Variants in ZNF609 observed in about 807,000 individuals in gnomAD.
ZNF609 encodes the protein zinc finger protein 609.
A neutral mutation model predicts 109.5 loss-of-function variants in ZNF609; 11 were observed. That is an observed-to-expected ratio of 0.10 (90% confidence interval 0.06 to 0.17). The LOEUF (loss-of-function observed/expected upper bound fraction) is 0.17, where lower values mean the gene tolerates loss of function less well. Among genes scored for constraint, ZNF609 ranks in the 10% least tolerant of loss-of-function variants. The probability of loss-of-function intolerance (pLI) is 1.00; values close to 1 mark genes in which losing one functional copy is unlikely to be tolerated. For missense variants in ZNF609, 1,559 were observed against 1,772.4 expected (o/e 0.88, Z 2.16); for synonymous variants, 646 against 662.0 (o/e 0.98, Z 0.37).
chr15:64,584,389 G>A (rs1895160930), intron 2 of ZNF609, among the ~76,000 whole-genome samples: 1 of 152,060 alleles, frequency 6.6e-6, no homozygotes, highest in Non-Finnish European at 1.5e-5. Context: ...CTGGAGTCCA[G>A]TGGCGTGATC....
rs79197743 is a variant in ZNF609, at chr15:64,480,982, C to T, written c.-127-18311C>T. On this transcript the variant is annotated intron_variant, in intron 1 of 9. Transcript: ENST00000326648. Reference sequence around the variant, plus strand: ...GCAAATAAATAACCTGAATTTTACCCGGAGGAACAAATAAGAATTGATTCA... The same window carrying T: ...GCAAATAAATAACCTGAATTTTACCTGGAGGAACAAATAAGAATTGATTCA... Among the ~76,000 whole-genome samples the T allele has an allele frequency of 8.8e-3, 1,337 of 152,154 alleles. 24 individuals carry two copies. Among genetic ancestry groups the T allele is most frequent in the African/African-American group, 0.031 (1,272 of 41,510 alleles).
chr15:64,589,431 A>C (rs1049728729), intron 2 of ZNF609, among the ~76,000 whole-genome samples: 7 of 152,166 alleles, frequency 4.6e-5, no homozygotes, highest in Non-Finnish European at 7.3e-5. Flanking sequence ...GCAATACCAA[A>C]TGCTTCTTAT....
intron 2 of ZNF609, among the ~76,000 whole-genome samples, chr15:64,598,058 G>A (rs1446833576): frequency 2.0e-5 from 3 of 152,102 alleles, no homozygotes; most frequent in African/African-American, 7.2e-5. Flanking sequence ...AAATCATCTA[G>A]AATATTACTA....
At chr15:64,581,542 T>C (rs928590247) in intron 2 of ZNF609, among the ~76,000 whole-genome samples, 19 of 152,212 alleles carry the variant, frequency 1.2e-4, no homozygotes, top group African/African-American at 4.6e-4. Context: ...TGGTCAGATA[T>C]AGATAACCTT....
At chr15:64,623,629 A>G (rs1289677178) in intron 3 of ZNF609, among the ~76,000 whole-genome samples, 1 of 152,200 alleles carries the variant, frequency 6.6e-6, no homozygotes, top group African/African-American at 2.4e-5. Context: ...TCAGGCATCC[A>G]CTAAGCAGTT....
chr15:64,470,329 T>G (rs549822014), intron 1 of ZNF609: 5 of 152,250 alleles, frequency 3.3e-5, no homozygotes, highest in African/African-American at 1.2e-4. Context: ...ATTACAGGTT[T>G]GAGCCACTGC....
chr15:64,501,110 C>T (rs1164597558), intron 2 of ZNF609: 1 of 152,492 alleles, frequency 6.6e-6, no homozygotes, highest in Non-Finnish European at 1.5e-5. Context: ...GTGAGCTGTT[C>T]ATTGGCTCTT....
chr15:64,473,592 A>G (rs1893123995), intron 1 of ZNF609, among the ~76,000 whole-genome samples: 1 of 150,666 alleles, frequency 6.6e-6, no homozygotes, highest in African/African-American at 2.4e-5. Context: ...CCTGACATTT[A>G]GCCTCACTAG....
rs756230236 is a variant in ZNF609 at position 64,681,402 on chromosome 15, T to C, written c.*5+15T>C. 5.0e-6 allele frequency: 8 copies of C among 1,609,082 alleles called. No homozygotes were observed. The highest frequency in any genetic ancestry group is 1.1e-5 in the South Asian group (1 of 90,950). On this transcript the variant is annotated intron_variant, in intron 9 of 9. Coordinates refer to ENST00000326648, the MANE Select transcript of ZNF609 (RefSeq NM_015042.2). ...AGGTGAGAATGGTAAGTCACTTTTA[T>C]TAATTTGGGGCAACACATAAAGCCG...
At chr15:64,635,904 C>T (rs1896166439) in intron 3 of ZNF609, among the ~76,000 whole-genome samples, 1 of 152,130 alleles carries the variant, frequency 6.6e-6, no homozygotes, top group Non-Finnish European at 1.5e-5. Flanking sequence ...CTGTTCTCCA[C>T]CTCTTCTGAT....
chr15:64,673,899 G>T lies in ZNF609; in HGVS notation c.1062-17G>T, dbSNP rs777399003. The T allele has an allele frequency of 6.2e-7, 1 of 1,603,508 alleles. No individual in the cohort carries two copies. Among genetic ancestry groups the T allele is most frequent in the Non-Finnish European group, 8.5e-7 (1 of 1,173,622 alleles). On this transcript the variant is annotated splice_polypyrimidine_tract_variant and intron_variant, in intron 4 of 9. Coordinates refer to ENST00000326648, the MANE Select transcript of ZNF609 (RefSeq NM_015042.2). ...TCTCTTCTTAATAATATTCTGTTGT[G>T]TTTATCCTTTGCCAAGGTTCTGTGA...
At chr15:64,616,534 T>A (rs2140966432) in intron 2 of ZNF609, among the ~76,000 whole-genome samples, 1 of 144,570 alleles carries the variant, frequency 6.9e-6, no homozygotes, top group South Asian at 2.3e-4. Flanking sequence ...TTTTTTTTTT[T>A]TTTGAGATGG....
rs540605099 is a variant in ZNF609, at chr15:64,613,918, AT to A, written c.748-8898del. Among the ~76,000 whole-genome samples, 86 of 144,818 alleles carry A rather than the reference AT, an allele frequency of 5.9e-4. 2 individuals carry two copies. Among genetic ancestry groups the A allele is most frequent in the African/African-American group, 1.7e-3 (68 of 39,448 alleles). ...CAGAAAGTGGTTCAAATAATTGAAG[AT>A]TTTTTTTTTTCTGATTTTTGTTTTG... On this transcript the variant is annotated intron_variant, in intron 2 of 9. Transcript: ENST00000326648.
intron 3 of ZNF609, among the ~76,000 whole-genome samples, chr15:64,625,932 TATATAGAGAGAGAGAG>T (rs1322065301): frequency 0.016 from 1,164 of 74,556 alleles, 7 homozygotes; most frequent in Admixed American, 0.02. Context: ...TATATATATA[TATATAGAGAGAGAGAG>T]AGAGAGAGAG....
rs141992584 is a variant in ZNF609, at chr15:64,470,937, A to G, written c.-128+10099A>G. On this transcript the variant is annotated intron_variant, in intron 1 of 9. Transcript: ENST00000326648. ...TGATCTGGGACTTCGAGTAGCAGCT[A>G]TTAATACTTATTGAATAGTAAGAGG... is the stretch of plus-strand genomic sequence containing the variant. Among the ~76,000 whole-genome samples, 15 of 152,342 alleles carry G rather than the reference A, an allele frequency of 9.8e-5. No homozygotes were observed. The East Asian group carries it at 2.5e-3, about 25-fold the overall frequency.
At chr15:64,676,648 G>A (rs1896814386) in intron 5 of ZNF609, among the ~76,000 whole-genome samples, 1 of 151,832 alleles carries the variant, frequency 6.6e-6, no homozygotes, top group African/African-American at 2.4e-5. Context: ...TGGTCAGGCT[G>A]GTCTGGAACT....
At chr15:64,525,819 T>C (rs1159232741) in intron 2 of ZNF609, among the ~76,000 whole-genome samples, 1 of 151,916 alleles carries the variant, frequency 6.6e-6, no homozygotes, top group Non-Finnish European at 1.5e-5. Context: ...AGTCTCACTC[T>C]GTCCACCAGG....
Position 64,623,027 on chromosome 15 carries a change from C to T in ZNF609, c.948C>T (p.Gly316=). 1 of 1,614,208 alleles carries T rather than the reference C, an allele frequency of 6.2e-7. No individual in the cohort carries two copies. The highest frequency in any genetic ancestry group is 1.1e-5 in the South Asian group (1 of 91,090). ...CTGGAACTAGCGTCAACCTTGAAGGCATCGTGTGGCAGGAAACAGAAGATG... is the reference window on the plus strand; with the variant it reads ...CTGGAACTAGCGTCAACCTTGAAGGTATCGTGTGGCAGGAAACAGAAGATG... The part of the protein sequence containing the change: ...CEPGTSVNLE[G]IVWQETEDGM... The change falls in exon 3 of 10, where the codon GGC becomes GGT. Residue 316 remains glycine, a synonymous_variant. Transcript: ENST00000326648.
intron 2 of ZNF609, among the ~76,000 whole-genome samples, chr15:64,618,746 G>T (rs571441): frequency 0.74 from 112,765 of 151,914 alleles, 45,412 homozygotes; most frequent in East Asian, 0.96. Flanking sequence ...CGCCACGTGT[G>T]CTCTTCTGCC....
Sources: allele counts gnomAD v4.1 joint callset (sites outside exome capture counted in the v4.1 genomes callset), GRCh38; gene constraint gnomAD v4.1.1; transcripts MANE v1.5; gene names NCBI Gene and HGNC (gene_info 2026-07-23, HGNC 2026-07-21).